The following ZNF423 variants were observed in gnomAD, a reference collection of about 807,000 sequenced individuals.
ZNF423 encodes the protein Ebf-associated zinc finger protein.
ZNF423 carries 12 observed loss-of-function variants against 95.8 expected under a neutral mutation model. That is an observed-to-expected ratio of 0.13 (90% CI 0.08 to 0.20). The LOEUF (loss-of-function observed/expected upper bound fraction) is 0.20. Ranked by LOEUF, ZNF423 falls within the 10% of genes least tolerant of loss-of-function variation. The pLI, the probability that ZNF423 is intolerant of heterozygous loss-of-function variation, is 1.00. For synonymous variants in ZNF423, 749 were observed against 711.9 expected (o/e 1.05, Z -0.83); for missense variants, 1,316 against 1,737.1 (o/e 0.76, Z 4.31).
intron 5 of ZNF423, among the ~76,000 whole-genome samples, chr16:49,543,425 C>T (rs1045491189): frequency 6.6e-6 from 1 of 152,160 alleles, no homozygotes; most frequent in African/African-American, 2.4e-5. Flanking sequence ...CATCGACTGG[C>T]CTAATCTGAG....
At chr16:49,517,842 C>T (rs896847437) in intron 7 of ZNF423, 7 of 415,316 alleles carry the variant, frequency 1.7e-5, no homozygotes, top group Admixed American at 2.9e-5. Context: ...TTACTGTTCC[C>T]GCTTTGCTCC....
At chr16:49,691,672 C>T (rs1040943806) in intron 3 of ZNF423, among the ~76,000 whole-genome samples, 9 of 151,744 alleles carry the variant, frequency 5.9e-5, no homozygotes, top group Non-Finnish European at 1.3e-4. Context: ...GCAAAGCTTG[C>T]AGTGAGCCGA....
At chr16:49,540,637 C>T (rs888031110) in intron 5 of ZNF423, among the ~76,000 whole-genome samples, 1 of 152,196 alleles carries the variant, frequency 6.6e-6, no homozygotes, top group Non-Finnish European at 1.5e-5. Flanking sequence ...GATTACTCTG[C>T]TTTCACCTCA....
At chr16:49,784,414 A>G (rs777041898) in intron 2 of ZNF423, among the ~76,000 whole-genome samples, 1 of 152,160 alleles carries the variant, frequency 6.6e-6, no homozygotes, top group Admixed American at 6.5e-5. Context: ...CAGCAGCTCT[A>G]TTCACAATAG....
chr16:49,552,352 T>C (rs1304276117), intron 5 of ZNF423, among the ~76,000 whole-genome samples: 1 of 152,182 alleles, frequency 6.6e-6, no homozygotes, highest in Non-Finnish European at 1.5e-5. Context: ...TTATACTTGA[T>C]GCCTCCCTGA....
intron 1 of ZNF423, among the ~76,000 whole-genome samples, chr16:49,826,390 C>A (rs941715985): frequency 2.0e-4 from 31 of 152,270 alleles, no homozygotes; most frequent in African/African-American, 7.5e-4. Flanking sequence ...GCAGCAGGGG[C>A]TACCCAAAAT....
intron 7 of ZNF423, among the ~76,000 whole-genome samples, chr16:49,516,554 A>T (rs1027464260): frequency 1.3e-5 from 2 of 152,154 alleles, no homozygotes; most frequent in Non-Finnish European, 2.9e-5. Flanking sequence ...GGTTTTAAAT[A>T]CGGAGCTGCC....
At chr16:49,551,959 G>A (rs1969656452) in intron 5 of ZNF423, among the ~76,000 whole-genome samples, 2 of 152,146 alleles carry the variant, frequency 1.3e-5, no homozygotes, top group Admixed American at 6.5e-5. Context: ...GGGCCACATG[G>A]GTGTGTGTGC....
At chr16:49,546,705 T>C (rs1969456827) in intron 5 of ZNF423, among the ~76,000 whole-genome samples, 1 of 152,184 alleles carries the variant, frequency 6.6e-6, no homozygotes, top group Non-Finnish European at 1.5e-5. Flanking sequence ...ACGCCAAGGC[T>C]GAACCTTAAT....
rs1017866029 is a variant in ZNF423, at chr16:49,662,193, C to A, written c.302-23319G>T. Among the ~76,000 whole-genome samples the A allele has an allele frequency of 5.3e-5, 8 of 152,160 alleles. 1 individual carries two copies. Among genetic ancestry groups the A allele is most frequent in the African/African-American group, 1.7e-4 (7 of 41,444 alleles). On this transcript the variant is annotated intron_variant, in intron 3 of 7. Coordinates refer to ENST00000563137, the MANE Select transcript of ZNF423 (RefSeq NM_001379286.1). ...TGCCAATGTCATGTCATAAAGAAAG[C>A]CAGTCCCCCTGAAGGGCTCTGGTCC... is the stretch of plus-strand genomic sequence containing the variant.
At chr16:49,799,612 G>T (rs2034550881) in intron 1 of ZNF423, among the ~76,000 whole-genome samples, 1 of 152,100 alleles carries the variant, frequency 6.6e-6, no homozygotes, top group Non-Finnish European at 1.5e-5. Flanking sequence ...AAAGAGAAAG[G>T]CTAGGAGATC....
rs536164895 is a variant in ZNF423, at chr16:49,773,881, C to A, written c.100+15606G>T. On this transcript the variant is annotated intron_variant, in intron 2 of 7. Coordinates refer to ENST00000563137, the MANE Select transcript of ZNF423 (RefSeq NM_001379286.1). Reference sequence around the variant, plus strand: ...GGAGGCAAGGAGGCAGAGTGACAACCACATGGGCCTTGGGGACAGTGAGCT... The same window carrying A: ...GGAGGCAAGGAGGCAGAGTGACAACAACATGGGCCTTGGGGACAGTGAGCT... 5.3e-5 allele frequency among the ~76,000 whole-genome samples: 8 copies of A among 152,352 alleles called. No individual in the cohort carries two copies. In the South Asian group the frequency reaches 1.2e-3, roughly 24 times the overall value.
intron 3 of ZNF423, among the ~76,000 whole-genome samples, chr16:49,663,372 G>A (rs974573009): frequency 3.3e-5 from 5 of 152,066 alleles, no homozygotes; most frequent in South Asian, 2.1e-4. Context: ...AGAAACACCC[G>A]ATTACCACTG....
chr16:49,819,655 G>C (rs979736845), intron 1 of ZNF423, among the ~76,000 whole-genome samples: 1 of 152,056 alleles, frequency 6.6e-6, no homozygotes, highest in African/African-American at 2.4e-5. Context: ...CACCATGTTG[G>C]CCGGGCTGGT....
chr16:49,616,189 G>T (rs1439136776), intron 5 of ZNF423, among the ~76,000 whole-genome samples: 1 of 152,062 alleles, frequency 6.6e-6, no homozygotes, highest in Non-Finnish European at 1.5e-5. Flanking sequence ...TGGAACTGGG[G>T]GACATTATGT....
chr16:49,541,974 G>T (rs28396514), intron 5 of ZNF423, among the ~76,000 whole-genome samples: 1 of 152,160 alleles, frequency 6.6e-6, no homozygotes, highest in South Asian at 2.1e-4. Flanking sequence ...GCATGAGAGC[G>T]AAGTAATACA....
At chr16:49,497,938 T>C (rs923474779) in intron 7 of ZNF423, among the ~76,000 whole-genome samples, 1 of 152,204 alleles carries the variant, frequency 6.6e-6, no homozygotes, top group Non-Finnish European at 1.5e-5. Flanking sequence ...TTAAGGACTA[T>C]AGAGAGAGGA....
At chr16:49,846,269 C>T (rs1312785668) in intron 1 of ZNF423, among the ~76,000 whole-genome samples, 3 of 146,466 alleles carry the variant, frequency 2.0e-5, no homozygotes, top group African/African-American at 7.6e-5. Flanking sequence ...CACTGCACTC[C>T]AGCCTGGCTG....
At chr16:49,731,826 T>C (rs7189968) in intron 2 of ZNF423, among the ~76,000 whole-genome samples, 59,266 of 151,748 alleles carry the variant, frequency 0.39, 11,940 homozygotes, top group African/African-American at 0.49. Flanking sequence ...ATAAAATAAA[T>C]AGTGTCACCT....
Sources: allele counts gnomAD v4.1 joint callset (sites outside exome capture counted in the v4.1 genomes callset), GRCh38; gene constraint gnomAD v4.1.1; transcripts MANE v1.5; gene names NCBI Gene and HGNC (gene_info 2026-07-23, HGNC 2026-07-21).